SLC38A9: variants seen among roughly 807,000 people sequenced by gnomAD.
SLC38A9 encodes solute carrier family 38 member 9.
In SLC38A9, 48 loss-of-function variants were observed where a neutral mutation model predicts 62.3. That is an observed-to-expected ratio of 0.77 (90% CI 0.61 to 0.98). The LOEUF is 0.98. Ranked by LOEUF, SLC38A9 falls within the 50% of genes least tolerant of loss-of-function variation. The pLI is 0.00. For synonymous variants in SLC38A9, 204 were observed against 227.7 expected (o/e 0.90, Z 0.94); for missense variants, 541 against 679.8 (o/e 0.80, Z 2.27).
At chr5:55,682,710 A>C (rs1159365164) in intron 3 of SLC38A9, among the ~76,000 whole-genome samples, 1 of 152,140 alleles carries the variant, frequency 6.6e-6, no homozygotes, top group Non-Finnish European at 1.5e-5. Flanking sequence ...AGGAGTTCAA[A>C]GTTACAAGGT....
intron 9 of SLC38A9, among the ~76,000 whole-genome samples, chr5:55,654,338 C>T (rs1030362269): frequency 1.3e-5 from 2 of 152,102 alleles, no homozygotes. Context: ...GCTATGGCAG[C>T]TGGGCGCAGT....
intron 10 of SLC38A9, among the ~76,000 whole-genome samples, chr5:55,649,700 T>C (rs1041846110): frequency 1.3e-5 from 2 of 152,118 alleles, no homozygotes; most frequent in African/African-American, 2.4e-5. Context: ...CACACGCCTA[T>C]AATCACAGCT....
At position 55,669,213 on chromosome 5, in the gene SLC38A9, G is replaced by A. The variant is rs770534407; in HGVS notation, c.526+15C>T. The A allele has an allele frequency of 1.3e-6, 2 of 1,588,380 alleles. No individual in the cohort carries two copies. Among genetic ancestry groups the A allele is most frequent in the Admixed American group, 3.4e-5 (2 of 58,780 alleles). ...TTAATACCCATAATCTATTGTCACT[G>A]TGTCAAATTCTTACACATCATAGTC... On this transcript the variant is annotated intron_variant, in intron 7 of 15. Transcript: ENST00000396865.
chr5:55,665,318 C>T (rs1299783887), intron 7 of SLC38A9, among the ~76,000 whole-genome samples: 2 of 151,334 alleles, frequency 1.3e-5, no homozygotes, highest in Non-Finnish European at 2.9e-5. Context: ...GGCCGAGGCA[C>T]GCAGATCACT....
intron 2 of SLC38A9, among the ~76,000 whole-genome samples, chr5:55,707,967 C>G (rs774978891): frequency 1.3e-5 from 2 of 152,112 alleles, no homozygotes; most frequent in East Asian, 1.9e-4. Flanking sequence ...AAGCAGAGAC[C>G]GGGTCCTCAC....
intron 9 of SLC38A9, among the ~76,000 whole-genome samples, chr5:55,654,878 C>A (rs1036436472): frequency 6.6e-6 from 1 of 152,024 alleles, no homozygotes; most frequent in African/African-American, 2.4e-5. Flanking sequence ...ATCTCACTCA[C>A]TCAGGCTGGA....
At chr5:55,681,120 G>C (rs1752941567) in intron 3 of SLC38A9, among the ~76,000 whole-genome samples, 1 of 152,282 alleles carries the variant, frequency 6.6e-6, no homozygotes, top group Non-Finnish European at 1.5e-5. Flanking sequence ...TTTCTAGAAA[G>C]CAATTTGCAA....
chr5:55,649,492 G>GA (rs1372904402), intron 10 of SLC38A9, among the ~76,000 whole-genome samples, 178 bp from the exon 11 acceptor site: 3 of 95,716 alleles, frequency 3.1e-5, no homozygotes, highest in East Asian at 5.0e-4. Context: ...GGAGTTACCA[G>GA]AAAAAAAACA....
intron 8 of SLC38A9, among the ~76,000 whole-genome samples, chr5:55,659,289 G>C (rs976502604): frequency 6.7e-6 from 1 of 148,192 alleles, no homozygotes; most frequent in Non-Finnish European, 1.5e-5. Flanking sequence ...ACATTTATAC[G>C]TATATGTCTG....
intron 7 of SLC38A9, among the ~76,000 whole-genome samples, chr5:55,668,805 T>C (rs1339224198): frequency 6.6e-6 from 1 of 152,042 alleles, no homozygotes; most frequent in Non-Finnish European, 1.5e-5. Context: ...TACTAGGGAG[T>C]TGCTTACATT....
intron 3 of SLC38A9, 141 bp from the exon 4 acceptor site, chr5:55,672,836 C>G: frequency 2.7e-6 from 2 of 739,902 alleles, no homozygotes; most frequent in South Asian, 4.1e-5. Context: ...TTGGTGCAAA[C>G]AGAAAATGTT....
chr5:55,686,113 A>G (rs1368613608), intron 3 of SLC38A9, among the ~76,000 whole-genome samples: 5 of 152,116 alleles, frequency 3.3e-5, no homozygotes, highest in African/African-American at 1.2e-4. Flanking sequence ...TTATAATATA[A>G]CTATTTATAT....
intron 10 of SLC38A9, among the ~76,000 whole-genome samples, chr5:55,650,698 AG>A: frequency 6.6e-6 from 1 of 152,206 alleles, no homozygotes; most frequent in East Asian, 1.9e-4. Context: ...CCTGTTCCTG[AG>A]GCAGACAGGC....
chr5:55,675,397 ATATTTAACTGAATTAT>A (rs1438407825), intron 3 of SLC38A9: 1 of 152,244 alleles, frequency 6.6e-6, no homozygotes, highest in Non-Finnish European at 1.5e-5. Flanking sequence ...ACAACTCAGC[ATATTTAACTGAATTAT>A]TAGAAACATA....
At chr5:55,710,860 T>C (rs10069505) in intron 2 of SLC38A9, among the ~76,000 whole-genome samples, 1 of 151,190 alleles carries the variant, frequency 6.6e-6, no homozygotes, top group Non-Finnish European at 1.5e-5. Flanking sequence ...CCTCGTGATC[T>C]GCCTGCCTCA....
chr5:55,659,373 G>A (rs1212041431), intron 8 of SLC38A9, among the ~76,000 whole-genome samples: 1 of 139,550 alleles, frequency 7.2e-6, no homozygotes, highest in Non-Finnish European at 1.5e-5. Context: ...AAAAAAACTG[G>A]AAAGGTTTTT....
rs1191232981 is a variant in SLC38A9, at chr5:55,652,600, T to C, written c.881A>G (p.Tyr294Cys). 3 of 1,612,792 alleles carry C rather than the reference T, an allele frequency of 1.9e-6. No homozygotes were observed. The African/African-American group carries it at 4.0e-5, about 22-fold the overall frequency. The change falls in exon 10 of 16, where the codon TAT (tyrosine) becomes TGT (cysteine). Residue 294 changes from tyrosine to cysteine, a missense_variant. By Grantham distance (194) the Tyr-to-Cys change is radical (BLOSUM62 -2). Transcript: ENST00000396865. ...WWDKSRTVPF[Y>C]LVGLLLPLLN... is the part of the protein sequence containing the mutation. ...CAGTGGGAGGAGGAGCCCTACAAGATAAAAGGGGACTGTCCTGGACTTATC... is the reference window on the plus strand; with the variant it reads ...CAGTGGGAGGAGGAGCCCTACAAGACAAAAGGGGACTGTCCTGGACTTATC...
chr5:55,636,134 A>G (rs1251355367), intron 12 of SLC38A9, among the ~76,000 whole-genome samples: 2 of 152,220 alleles, frequency 1.3e-5, no homozygotes, highest in Non-Finnish European at 1.5e-5. Context: ...AGCAGAACAT[A>G]CTAAAATATA....
At chr5:55,677,943 T>TGTGTGTGTGC (rs1752380105) in intron 3 of SLC38A9, among the ~76,000 whole-genome samples, 1 of 147,846 alleles carries the variant, frequency 6.8e-6, no homozygotes, top group African/African-American at 2.5e-5. Context: ...TGTGTGTGTG[T>TGTGTGTGTGC]GTGTGTGTGT....
Sources: gnomAD v4.1 joint callset for allele counts (sites outside exome capture counted in the v4.1 genomes callset) on GRCh38, gnomAD v4.1.1 for gene constraint, MANE v1.5 for transcripts, NCBI Gene and HGNC (gene_info 2026-07-23, HGNC 2026-07-21) for gene names.